MAPK10: variants seen among roughly 807,000 people sequenced by gnomAD.
The protein encoded by MAPK10 is JNK3 alpha protein kinase.
A neutral mutation model predicts 59.3 loss-of-function variants in MAPK10; 25 were observed. That is an observed-to-expected ratio of 0.42 (90% CI 0.31 to 0.59). The LOEUF is 0.59. Among genes scored for constraint, MAPK10 ranks in the 20% least tolerant of loss-of-function variants. The pLI is 0.15. For synonymous variants in MAPK10, 190 were observed against 200.5 expected (o/e 0.95, Z 0.44); for missense variants, 351 against 568.9 (o/e 0.62, Z 3.90).
chr4:86,330,005 C>A (rs2096116650), intron 2 of MAPK10, among the ~76,000 whole-genome samples: 1 of 152,012 alleles, frequency 6.6e-6, no homozygotes, highest in South Asian at 2.1e-4. Context: ...CAGGAAAGTT[C>A]AGTTTGGTGG....
chr4:86,169,711 G>T (rs2073372714), intron 3 of MAPK10, among the ~76,000 whole-genome samples: 1 of 151,548 alleles, frequency 6.6e-6, no homozygotes, highest in Non-Finnish European at 1.5e-5. Context: ...GAAATACAGA[G>T]AACACCACAA....
chr4:86,107,190 C>A, intron 5 of MAPK10, 33 bp downstream of exon 5: 1 of 1,562,844 alleles, frequency 6.4e-7, no homozygotes, highest in Non-Finnish European at 8.7e-7. Context: ...TACAAACTCC[C>A]ACTGCCAGAA....
At chr4:86,546,267 G>C (rs1176137429) in intron 1 of MAPK10, among the ~76,000 whole-genome samples, 7 of 152,098 alleles carry the variant, frequency 4.6e-5, no homozygotes, top group Middle Eastern at 3.4e-3. Context: ...CAAGATGGCG[G>C]CTGGGTGCGG....
upstream of MAPK10, among the ~76,000 whole-genome samples, chr4:86,364,467 T>C (rs755802881): frequency 6.6e-6 from 1 of 152,200 alleles, no homozygotes; most frequent in Non-Finnish European, 1.5e-5. Flanking sequence ...AAGATGTTGA[T>C]TCTTGGTATT....
intron 11 of MAPK10, among the ~76,000 whole-genome samples, chr4:86,053,027 T>A (rs1443639789): frequency 6.6e-6 from 1 of 152,060 alleles, no homozygotes; most frequent in East Asian, 1.9e-4. Context: ...ATTTAAAAGT[T>A]CATCATGCAA....
At chr4:86,300,515 T>C (rs556489634) in intron 2 of MAPK10, 3 of 152,278 alleles carry the variant, frequency 2.0e-5, no homozygotes, top group Non-Finnish European at 4.4e-5. Context: ...TTATTAAGAC[T>C]GTCAAGTCAC....
chr4:86,124,323 CTT>C (rs1215650585), intron 4 of MAPK10: 1 of 151,950 alleles, frequency 6.6e-6, no homozygotes, highest in East Asian at 1.9e-4. Flanking sequence ...ATTAGAATCA[CTT>C]TATTACAAAA....
intron 1 of MAPK10, among the ~76,000 whole-genome samples, chr4:86,513,309 A>G (rs1338827148): frequency 6.6e-6 from 1 of 152,080 alleles, no homozygotes; most frequent in Non-Finnish European, 1.5e-5. Flanking sequence ...TGGGATCCCA[A>G]AGAGTTAGGA....
At chr4:86,320,553 A>G (rs1348581634) in intron 2 of MAPK10, among the ~76,000 whole-genome samples, 2 of 152,238 alleles carry the variant, frequency 1.3e-5, no homozygotes, top group Non-Finnish European at 2.9e-5. Context: ...GATTCTGGAT[A>G]TTAGCCCTTT....
At chr4:86,149,353 G>GC (rs1196504893) in intron 4 of MAPK10, among the ~76,000 whole-genome samples, 1 of 151,938 alleles carries the variant, frequency 6.6e-6, no homozygotes, top group African/African-American at 2.4e-5. Flanking sequence ...TGCAGCCTCC[G>GC]CCCCCCAGGT....
At chr4:86,082,696 G>T (rs2050911259) in intron 9 of MAPK10, among the ~76,000 whole-genome samples, 2 of 152,138 alleles carry the variant, frequency 1.3e-5, no homozygotes, top group African/African-American at 4.8e-5. Context: ...AACTTATCTA[G>T]ATAAGTTGGT....
At chr4:86,446,321 G>A (rs754829457) in intron 1 of MAPK10, among the ~76,000 whole-genome samples, 5 of 152,062 alleles carry the variant, frequency 3.3e-5, no homozygotes, top group Admixed American at 2.0e-4. Flanking sequence ...GGTATCAGTT[G>A]CCAAGCATTA....
Position 86,211,983 on chromosome 4 carries a change from G to A in MAPK10, c.-6-17576C>T, listed in dbSNP as rs762444427. ...AAGAAAATCAGAAGGGAATTAAAAT[G>A]TTTTAGTACAAAAGAAAGAAAGAAA... On this transcript the variant is annotated intron_variant, in intron 2 of 13. Coordinates refer to ENST00000641462, the MANE Select transcript of MAPK10 (RefSeq NM_138982.4). 2.1e-4 allele frequency among the ~76,000 whole-genome samples: 32 copies of A among 151,994 alleles called. 1 individual carries two copies. Among genetic ancestry groups the A allele is most frequent in the Non-Finnish European group, 7.4e-5 (5 of 67,988 alleles).
chr4:86,187,308 G>A (rs965354472), intron 3 of MAPK10, among the ~76,000 whole-genome samples: 8 of 152,182 alleles, frequency 5.3e-5, no homozygotes, highest in South Asian at 2.1e-4. Flanking sequence ...ACTTGAACAC[G>A]AGCACTGTGA....
intron 2 of MAPK10, among the ~76,000 whole-genome samples, chr4:86,238,689 T>C (rs2092476245): frequency 6.6e-6 from 1 of 152,228 alleles, no homozygotes; most frequent in Non-Finnish European, 1.5e-5. Context: ...TTTTTGCACA[T>C]TGATTTTGTA....
At chr4:86,058,404 C>G (rs1425558127) in intron 11 of MAPK10, among the ~76,000 whole-genome samples, 1 of 149,372 alleles carries the variant, frequency 6.7e-6, no homozygotes, top group East Asian at 1.9e-4. Context: ...CCATATTTCC[C>G]AGATTTGTCT....
intron 4 of MAPK10, chr4:86,107,766 ATATAT>A (rs1188140536): frequency 2.3e-6 from 1 of 425,938 alleles, no homozygotes; most frequent in Non-Finnish European, 3.1e-6. Context: ...TCATCTGTTA[ATATAT>A]GATATTTAAT....
intron 1 of MAPK10, among the ~76,000 whole-genome samples, chr4:86,473,941 G>A (rs1752864533): frequency 6.6e-6 from 1 of 152,118 alleles, no homozygotes; most frequent in Non-Finnish European, 1.5e-5. Flanking sequence ...CTTAAGGCCA[G>A]GAGTTCAAGA....
At chr4:86,066,752 C>CA (rs60413311) in intron 10 of MAPK10, among the ~76,000 whole-genome samples, 2,109 of 86,066 alleles carry the variant, frequency 0.025, 38 homozygotes, top group African/African-American at 0.04. Context: ...GACTCTGTCT[C>CA]AAAAAAAAAA....
Sources: gnomAD v4.1 joint callset for allele counts (sites outside exome capture counted in the v4.1 genomes callset) on GRCh38, gnomAD v4.1.1 for gene constraint, MANE v1.5 for transcripts, NCBI Gene and HGNC (gene_info 2026-07-23, HGNC 2026-07-21) for gene names.